SRGAP3: variants seen among roughly 807,000 people sequenced by gnomAD.
SRGAP3 encodes the protein SLIT-ROBO Rho GTPase activating protein 3.
SRGAP3 carries 39 observed loss-of-function variants against 121.1 expected under a neutral mutation model. The ratio of observed to expected loss-of-function variants is 0.32; its 90% CI spans 0.25 to 0.42. The LOEUF (loss-of-function observed/expected upper bound fraction) is 0.42. SRGAP3 is among the 10% of genes least tolerant of loss of function. SRGAP3 has a pLI of 1.00. For missense variants in SRGAP3, 1,213 were observed against 1,470.6 expected, an observed-to-expected ratio of 0.82 and a Z score of 2.86; for synonymous variants, 601 against 570.0, an observed-to-expected ratio of 1.05 and a Z score of -0.77.
At chr3:9,149,015 A>G (rs931725064) in intron 1 of SRGAP3, among the ~76,000 whole-genome samples, 2 of 152,062 alleles carry the variant, frequency 1.3e-5, no homozygotes. Context: ...GGAGTTCGAG[A>G]CGAGCCTGGC....
intron 3 of SRGAP3, among the ~76,000 whole-genome samples, chr3:9,270,156 C>T (rs1249517450): frequency 1.3e-5 from 2 of 152,028 alleles, no homozygotes; most frequent in Non-Finnish European, 1.5e-5. Flanking sequence ...TCAGTGGACA[C>T]CTATAGGAAA....
chr3:9,056,093 TG>T, intron 8 of SRGAP3, 139 bp downstream of exon 8: 1 of 736,532 alleles, frequency 1.4e-6, no homozygotes, highest in Non-Finnish European at 2.4e-6. Flanking sequence ...TCTTGGTGTG[TG>T]TGGTTTTAAT....
intron 1 of SRGAP3, among the ~76,000 whole-genome samples, chr3:9,330,801 A>G (rs576719153): frequency 1.3e-5 from 2 of 152,334 alleles, no homozygotes; most frequent in Admixed American, 6.5e-5. Context: ...GAGATTGATT[A>G]CAGCTCAGCA....
intron 1 of SRGAP3, among the ~76,000 whole-genome samples, chr3:9,174,390 A>G (rs1951099034): frequency 6.6e-6 from 1 of 152,170 alleles, no homozygotes; most frequent in African/African-American, 2.4e-5. Flanking sequence ...AAAGGGTGGA[A>G]GTGTTTAACA....
chr3:9,000,369 C>A (rs563477545), intron 18 of SRGAP3, among the ~76,000 whole-genome samples: 1 of 152,346 alleles, frequency 6.6e-6, no homozygotes, highest in South Asian at 2.1e-4. Context: ...TTAAGAGGAT[C>A]TCTGGCTGCC....
At chr3:9,028,003 C>T in intron 12 of SRGAP3, 2 of 1,412,118 alleles carry the variant, frequency 1.4e-6, no homozygotes, top group South Asian at 1.2e-5. Flanking sequence ...AATATGGACC[C>T]ATCAGCAACA....
intron 1 of SRGAP3, among the ~76,000 whole-genome samples, chr3:9,345,999 C>T (rs1420866023): frequency 1.3e-5 from 2 of 152,208 alleles, no homozygotes; most frequent in African/African-American, 4.8e-5. Context: ...TTCATTTTTA[C>T]ATATGACTTA....
chr3:9,342,366 A>G (rs958497102), intron 1 of SRGAP3, among the ~76,000 whole-genome samples: 16 of 151,636 alleles, frequency 1.1e-4, no homozygotes, highest in Admixed American at 5.3e-4. Context: ...AAAAAAAAGG[A>G]AAGCAAAAAA....
chr3:9,356,719 G>A (rs2030536430), intron 1 of SRGAP3, among the ~76,000 whole-genome samples: 1 of 151,732 alleles, frequency 6.6e-6, no homozygotes, highest in African/African-American at 2.4e-5. Flanking sequence ...TGTTGCCCAG[G>A]TTGGTCTCAA....
intron 18 of SRGAP3, among the ~76,000 whole-genome samples, chr3:8,999,999 T>C (rs1476910700): frequency 3.3e-5 from 5 of 152,194 alleles, no homozygotes; most frequent in Non-Finnish European, 7.3e-5. Flanking sequence ...AAATCTCTGT[T>C]ACTTGAACCA....
chr3:9,150,618 C>T (rs1321506470), intron 1 of SRGAP3, among the ~76,000 whole-genome samples: 1 of 152,192 alleles, frequency 6.6e-6, no homozygotes, highest in Non-Finnish European at 1.5e-5. Flanking sequence ...CCACCTAAAG[C>T]TGCAGGTTCT....
intron 3 of SRGAP3, among the ~76,000 whole-genome samples, chr3:9,267,977 A>C (rs1328580350): frequency 6.6e-6 from 1 of 152,188 alleles, no homozygotes; most frequent in African/African-American, 2.4e-5. Context: ...AGAAGAGTTA[A>C]ATCATCTGCC....
intron 4 of SRGAP3, among the ~76,000 whole-genome samples, chr3:9,070,400 G>C (rs1372638425): frequency 6.6e-6 from 1 of 152,232 alleles, no homozygotes; most frequent in Non-Finnish European, 1.5e-5. Context: ...AGACCTCCTT[G>C]AAGGAAAAGA....
At chr3:9,167,131 C>T (rs1165761290) in intron 1 of SRGAP3, among the ~76,000 whole-genome samples, 2 of 152,186 alleles carry the variant, frequency 1.3e-5, no homozygotes, top group East Asian at 1.9e-4. Flanking sequence ...AGAAGCTCAC[C>T]TGTGACAGCA....
chr3:9,334,240 G>A (rs1469427818), intron 1 of SRGAP3, among the ~76,000 whole-genome samples: 1 of 151,856 alleles, frequency 6.6e-6, no homozygotes, highest in East Asian at 1.9e-4. Context: ...GTGATTGAAC[G>A]TATCTTGCAA....
intron 9 of SRGAP3, among the ~76,000 whole-genome samples, chr3:9,048,394 A>C (rs949026560): frequency 1.9e-4 from 29 of 152,222 alleles, no homozygotes; most frequent in Admixed American, 1.0e-3. Flanking sequence ...ACTGGCTTAG[A>C]GTAGGTGCTG....
chr3:9,343,014 T>A (rs1955820008), intron 1 of SRGAP3, among the ~76,000 whole-genome samples: 1 of 152,238 alleles, frequency 6.6e-6, no homozygotes, highest in Admixed American at 6.5e-5. Flanking sequence ...ATCTTCTCAC[T>A]GGACTCCTTG....
intron 1 of SRGAP3, among the ~76,000 whole-genome samples, chr3:9,144,589 C>A (rs901427722): frequency 6.6e-6 from 1 of 152,196 alleles, no homozygotes; most frequent in Non-Finnish European, 1.5e-5. Context: ...CGTAATGGTA[C>A]GTGAGTCCCA....
intron 1 of SRGAP3, among the ~76,000 whole-genome samples, chr3:9,165,917 T>C (rs1299089165): frequency 6.6e-6 from 1 of 152,222 alleles, no homozygotes; most frequent in African/African-American, 2.4e-5. Flanking sequence ...GTTGTAATCA[T>C]ACATCTTATA....
Sources: allele counts gnomAD v4.1 joint callset (sites outside exome capture counted in the v4.1 genomes callset), GRCh38; gene constraint gnomAD v4.1.1; transcripts MANE v1.5; gene names NCBI Gene and HGNC (gene_info 2026-07-23, HGNC 2026-07-21).